HOGA1: variants seen among roughly 807,000 people sequenced by gnomAD.
HOGA1 encodes the protein 4-hydroxy-2-oxoglutarate aldolase, mitochondrial.
Under a neutral mutation model 34.3 loss-of-function variants are expected in HOGA1, and 30 were observed. The observed-to-expected ratio is 0.87, with a 90% confidence interval of 0.65 to 1.19. The LOEUF is 1.19. Among genes scored for constraint, HOGA1 ranks in the 50% most tolerant of loss-of-function variants. The pLI is 0.00. For missense variants in HOGA1, 417 were observed against 436.5 expected (o/e 0.96, Z 0.40); for synonymous variants, 161 against 174.0 (o/e 0.93, Z 0.59).
At chr10:97,601,764 A>G in intron 5 of HOGA1, 93 bp from the exon 6 acceptor site, 2 of 1,448,862 alleles carry the variant, frequency 1.4e-6, no homozygotes, top group Admixed American at 3.4e-5. Flanking sequence ...ATCTGTATCT[A>G]ATGTCCCCAG....
rs142766113 is a variant in HOGA1 at position 97,600,131 on chromosome 10, C to T, written c.668C>T (p.Ser223Leu). 69 of 1,614,160 alleles carry T rather than the reference C, an allele frequency of 4.3e-5. No homozygotes were observed. Among genetic ancestry groups the T allele is most frequent in the African/African-American group, 6.7e-5 (5 of 75,058 alleles). Residue 223 changes from serine to leucine, a missense_variant, in exon 5 of 7, where the codon TCG becomes TTG. Coordinates refer to ENST00000370646, the MANE Select transcript of HOGA1 (RefSeq NM_138413.4). ...RKQDFQVLAGSAGFLMASYAL... is the reference protein window; with the variant it reads ...RKQDFQVLAGLAGFLMASYAL... ...CAGGATTTTCAGGTGTTGGCTGGAT[C>T]GGCTGGCTTTCTGATGGCCAGCTAT... is the stretch of plus-strand genomic sequence containing the variant.
chr10:97,605,912 A>G (rs1162869083), intron 6 of HOGA1, among the ~76,000 whole-genome samples: 1 of 152,110 alleles, frequency 6.6e-6, no homozygotes, highest in Non-Finnish European at 1.5e-5. Flanking sequence ...TCTTTTGCAG[A>G]GCAAGTTTTA....
chr10:97,597,879 G>A (rs905211596), intron 1 of HOGA1, among the ~76,000 whole-genome samples: 2 of 152,148 alleles, frequency 1.3e-5, no homozygotes, highest in African/African-American at 2.4e-5. Flanking sequence ...GAACCTGGGG[G>A]GCTAAGGCTG....
At chr10:97,604,683 T>C (rs1283486728) in intron 6 of HOGA1, among the ~76,000 whole-genome samples, 1 of 151,864 alleles carries the variant, frequency 6.6e-6, no homozygotes, top group African/African-American at 2.4e-5. Context: ...AGTTTTTGGC[T>C]ATTAAAAGCT....
At chr10:97,588,286 C>A (rs2040988001) in intron 1 of HOGA1, among the ~76,000 whole-genome samples, 1 of 149,448 alleles carries the variant, frequency 6.7e-6, no homozygotes, top group Admixed American at 6.7e-5. Flanking sequence ...CAAGCTCTGC[C>A]TTCCAGGTTC....
Position 97,599,664 on chromosome 10 carries a change from G to A in HOGA1, c.469-16G>A. 1 of 1,613,682 alleles carries A rather than the reference G, an allele frequency of 6.2e-7. No homozygotes were observed. The highest frequency in any genetic ancestry group is 8.5e-7 in the Non-Finnish European group (1 of 1,179,982). ...CGGCTGCCCTCTCCTGCTTTTCTCT[G>A]CGCCCCCCTCCCCAGGTTGCTGATC... On this transcript the variant is annotated splice_polypyrimidine_tract_variant and intron_variant, in intron 3 of 6. Transcript: ENST00000370646.
intron 6 of HOGA1, among the ~76,000 whole-genome samples, chr10:97,602,865 A>C (rs1011014621): frequency 4.0e-5 from 6 of 151,652 alleles, no homozygotes; most frequent in Non-Finnish European, 7.4e-5. Flanking sequence ...TTTTGTTTTC[A>C]TTTTTCAGTA....
Position 97,590,097 on chromosome 10 carries a change from A to T in HOGA1, c.211+5183A>T, listed in dbSNP as rs571127035. Reference sequence around the variant, plus strand: ...GCTACCCAGACTGAGAGTGGGAGTGAAGAGGTCAGCTCCACGGTTCACATA... The same window carrying T: ...GCTACCCAGACTGAGAGTGGGAGTGTAGAGGTCAGCTCCACGGTTCACATA... On this transcript the variant is annotated intron_variant, in intron 1 of 6. Coordinates refer to ENST00000370646, the MANE Select transcript of HOGA1 (RefSeq NM_138413.4). The T allele has an allele frequency of 1.1e-5, 18 of 1,614,120 alleles. No individual in the cohort carries two copies. In the Admixed American group the frequency reaches 2.2e-4, roughly 19 times the overall value.
chr10:97,605,509 G>A (rs1387274534), intron 6 of HOGA1, among the ~76,000 whole-genome samples: 1 of 152,048 alleles, frequency 6.6e-6, no homozygotes, highest in Non-Finnish European at 1.5e-5. Context: ...CAGAGCAGCT[G>A]TACTATTTTA....
rs1564759273 is a variant in HOGA1 at position 97,600,047 on chromosome 10, C to T, written c.604-20C>T. On this transcript the variant is annotated intron_variant, in intron 4 of 6. Transcript: ENST00000370646. ...GATGAGGCTCTGGGCACAGCTCTCA[C>T]ACCACATTTGCTGTTGCAGGTGACC... is the stretch of plus-strand genomic sequence containing the variant. 1 of 1,610,538 alleles carries T rather than the reference C, an allele frequency of 6.2e-7. No individual in the cohort carries two copies.
At chr10:97,590,082 CT>C in intron 1 of HOGA1, 1 of 1,614,190 alleles carries the variant, frequency 6.2e-7, no homozygotes, top group African/African-American at 1.3e-5. Context: ...GCTACCCAGA[CT>C]GAGAGTGGGA....
intron 1 of HOGA1, chr10:97,590,484 C>T: frequency 6.2e-7 from 1 of 1,613,462 alleles, no homozygotes; most frequent in Non-Finnish European, 8.5e-7. Context: ...GCCAATCACA[C>T]ACACACCTTC....
At chr10:97,609,056 T>C (rs2041177928) in intron 6 of HOGA1, among the ~76,000 whole-genome samples, 1 of 151,986 alleles carries the variant, frequency 6.6e-6, no homozygotes, top group Non-Finnish European at 1.5e-5. Flanking sequence ...TAAATCTGAG[T>C]CCCTCTGGAG....
At position 97,598,847 on chromosome 10, in the gene HOGA1, G is replaced by T; in HGVS notation, c.284G>T (p.Arg95Leu). ...AGTGAGCGCCTCGAGGTGGTGAGCC[G>T]TGTGCGCCAGGCCATGCCCAAGAAC... ...TSSERLEVVS[R>L]VRQAMPKNRL... Residue 95 changes from arginine (R) to leucine (L), a missense_variant, in exon 2 of 7, where the codon CGT becomes CTT. Coordinates refer to ENST00000370646, the MANE Select transcript of HOGA1 (RefSeq NM_138413.4). 1 of 1,614,172 alleles carries T rather than the reference G, an allele frequency of 6.2e-7. No individual in the cohort carries two copies. Among genetic ancestry groups the T allele is most frequent in the South Asian group, 1.1e-5 (1 of 91,084 alleles).
At chr10:97,597,844 G>A (rs935595351) in intron 1 of HOGA1, among the ~76,000 whole-genome samples, 22 of 152,122 alleles carry the variant, frequency 1.4e-4, no homozygotes, top group African/African-American at 5.3e-4. Context: ...TGTAATCCTA[G>A]CTGGCTAAGA....
At chr10:97,593,997 T>C (rs962251618) in intron 1 of HOGA1, among the ~76,000 whole-genome samples, 1 of 151,924 alleles carries the variant, frequency 6.6e-6, no homozygotes, top group South Asian at 2.1e-4. Context: ...GCCTCCCGAA[T>C]AGCTGGGATT....
intron 6 of HOGA1, 32 bp downstream of exon 6, chr10:97,602,022 CG>C (rs755058103): frequency 1.3e-6 from 2 of 1,592,144 alleles, no homozygotes; most frequent in Admixed American, 1.8e-5. Context: ...CGCGGCCTGG[CG>C]GGGGGTGGGC....
rs566800470 is a variant in HOGA1, at chr10:97,590,071, T to A, written c.211+5157T>A. 4 of 1,614,136 alleles carry A rather than the reference T, an allele frequency of 2.5e-6. No homozygotes were observed. The South Asian group carries it at 4.4e-5, about 18-fold the overall frequency. On this transcript the variant is annotated intron_variant, in intron 1 of 6. Coordinates refer to ENST00000370646, the MANE Select transcript of HOGA1 (RefSeq NM_138413.4). Reference sequence around the variant, plus strand: ...ACAACAATGCCAGCGCTAGTGGCAATGCTACCCAGACTGAGAGTGGGAGTG... The same window carrying A: ...ACAACAATGCCAGCGCTAGTGGCAAAGCTACCCAGACTGAGAGTGGGAGTG...
intron 1 of HOGA1, among the ~76,000 whole-genome samples, chr10:97,593,304 C>T (rs751735604): frequency 2.0e-5 from 3 of 151,844 alleles, no homozygotes; most frequent in Non-Finnish European, 4.4e-5. Context: ...GGTGAAATCC[C>T]ATCTCTACTA....
Sources: gnomAD v4.1 joint callset for allele counts (sites outside exome capture counted in the v4.1 genomes callset) on GRCh38, gnomAD v4.1.1 for gene constraint, MANE v1.5 for transcripts, NCBI Gene and HGNC (gene_info 2026-07-23, HGNC 2026-07-21) for gene names.